Variants in TMEM135 observed in about 807,000 individuals in gnomAD.
TMEM135 encodes the protein transmembrane protein 135, also known as peroxisomal membrane protein 52.
TMEM135 carries 30 observed loss-of-function variants against 60.3 expected under a neutral mutation model. The observed-to-expected ratio is 0.50, with a 90% CI of 0.37 to 0.68. The LOEUF (loss-of-function observed/expected upper bound fraction) is 0.68, where lower values mean the gene tolerates loss of function less well. TMEM135 is among the 30% of genes least tolerant of loss of function. The pLI is 0.00. For synonymous variants in TMEM135, 190 were observed against 186.7 expected (o/e 1.02, Z -0.14); for missense variants, 468 against 548.8 (o/e 0.85, Z 1.47).
rs559096460 is a variant in TMEM135 at position 87,319,461 on chromosome 11, A to T, written c.1244+84A>T. On this transcript the variant is annotated intron_variant, in intron 14 of 14. Transcript: ENST00000305494. Reference sequence around the variant, plus strand: ...ATATTCTTTCAGTGGTAAAGTAGGTATTTATATATAAATAAAATATGAGTA... The same window carrying T: ...ATATTCTTTCAGTGGTAAAGTAGGTTTTTATATATAAATAAAATATGAGTA... The T allele has an allele frequency of 2.1e-5, 20 of 960,988 alleles. No homozygotes were observed. The African/African-American group carries it at 2.6e-4, about 12-fold the overall frequency. 59.5% of individuals were successfully genotyped at this position (960,988 alleles called of 1,614,324 possible). A position where few individuals can be genotyped will look rare whatever the true frequency, so the allele number is the denominator to read the frequency against.
rs1490601998 is a variant in TMEM135, at chr11:87,038,168, C to T, written c.123C>T (p.Ile41=). 1.2e-6 allele frequency: 2 copies of T among 1,614,028 alleles called. No individual in the cohort carries two copies. The highest frequency in any genetic ancestry group is 2.7e-5 in the African/African-American group (2 of 74,922). Residue 41 remains isoleucine (I), a synonymous_variant, in exon 1 of 15, where the codon ATC becomes ATT. Transcript: ENST00000305494. ...GCGCCCTGGAGGAGTCCCTGAAGAT[C>T]TATGCTCCTCTGTACTTGGTGAGAC... ...TGGALEESLK[I]YAPLYLIAAI... is the part of the protein sequence containing the mutation.
chr11:87,053,601 A>G (rs918767141), intron 1 of TMEM135, among the ~76,000 whole-genome samples: 6 of 152,176 alleles, frequency 3.9e-5, no homozygotes, highest in African/African-American at 1.4e-4. Context: ...TTCTTACATT[A>G]CAGTTACTTC....
intron 6 of TMEM135, among the ~76,000 whole-genome samples, chr11:87,278,818 T>G (rs1004787399): frequency 1.6e-4 from 4 of 25,740 alleles, no homozygotes; most frequent in African/African-American, 5.2e-4. Flanking sequence ...TCTTTAAAAT[T>G]TCTTTTGTGC....
At chr11:87,089,282 C>A (rs12290100) in intron 3 of TMEM135, among the ~76,000 whole-genome samples, 2 of 152,136 alleles carry the variant, frequency 1.3e-5, no homozygotes, top group African/African-American at 4.8e-5. Flanking sequence ...TGCCTGTAAT[C>A]CCAGAACTTT....
At chr11:87,137,174 A>G (rs1173105489) in intron 4 of TMEM135, among the ~76,000 whole-genome samples, 1 of 152,072 alleles carries the variant, frequency 6.6e-6, no homozygotes. Flanking sequence ...TTAGATGCAA[A>G]AACATTTAAG....
chr11:87,041,345 C>T (rs1054683486), intron 1 of TMEM135, among the ~76,000 whole-genome samples: 6 of 151,186 alleles, frequency 4.0e-5, no homozygotes, highest in Admixed American at 1.3e-4. Flanking sequence ...GTTCTGTGTG[C>T]ATGCTATTGA....
intron 4 of TMEM135, among the ~76,000 whole-genome samples, chr11:87,106,558 G>A (rs1467274335): frequency 6.6e-6 from 1 of 152,114 alleles, no homozygotes; most frequent in Admixed American, 6.6e-5. Flanking sequence ...TGGTATCAGG[G>A]TAATACTGGC....
intron 1 of TMEM135, among the ~76,000 whole-genome samples, chr11:87,060,869 C>T (rs1949939983): frequency 6.6e-6 from 1 of 152,104 alleles, no homozygotes; most frequent in Non-Finnish European, 1.5e-5. Context: ...GTCTCAATCT[C>T]CTGACCTCGT....
At chr11:87,122,788 GC>G (rs1368616188) in intron 4 of TMEM135, among the ~76,000 whole-genome samples, 1 of 152,054 alleles carries the variant, frequency 6.6e-6, no homozygotes, top group Non-Finnish European at 1.5e-5. Flanking sequence ...AATCTATCCG[GC>G]TATTACTTGG....
At chr11:87,305,132 G>C (rs1167872153) in intron 8 of TMEM135, among the ~76,000 whole-genome samples, 5 of 152,052 alleles carry the variant, frequency 3.3e-5, no homozygotes, top group African/African-American at 1.2e-4. Context: ...TTTTCCAGAT[G>C]TTTTCTCTCA....
chr11:87,229,730 T>C (rs569862954), intron 5 of TMEM135, among the ~76,000 whole-genome samples: 1 of 152,290 alleles, frequency 6.6e-6, no homozygotes, highest in African/African-American at 2.4e-5. Flanking sequence ...GCTTTGTGTA[T>C]GTAAAATTGA....
intron 6 of TMEM135, among the ~76,000 whole-genome samples, chr11:87,280,064 A>T (rs1366531422): frequency 2.0e-5 from 3 of 152,218 alleles, no homozygotes; most frequent in Admixed American, 1.3e-4. Flanking sequence ...TATTATTTTT[A>T]AACTAATTTG....
intron 6 of TMEM135, among the ~76,000 whole-genome samples, chr11:87,256,827 C>T (rs1163821823): frequency 6.6e-6 from 1 of 152,006 alleles, no homozygotes; most frequent in Non-Finnish European, 1.5e-5. Flanking sequence ...TCTGTTGGTC[C>T]TGCTTGCCCT....
At chr11:87,075,967 C>T (rs1333553240) in intron 3 of TMEM135, among the ~76,000 whole-genome samples, 4 of 152,170 alleles carry the variant, frequency 2.6e-5, no homozygotes, top group Admixed American at 6.5e-5. Flanking sequence ...GCTACCATCC[C>T]TGGGACTGCG....
chr11:87,235,847 T>C (rs1019868053), intron 5 of TMEM135, among the ~76,000 whole-genome samples: 6 of 151,970 alleles, frequency 3.9e-5, no homozygotes, highest in African/African-American at 1.4e-4. Flanking sequence ...CTGTGATGTT[T>C]TTGAGATCAT....
At chr11:87,123,546 G>T (rs1937639218) in intron 4 of TMEM135, among the ~76,000 whole-genome samples, 1 of 151,548 alleles carries the variant, frequency 6.6e-6, no homozygotes, top group South Asian at 2.1e-4. Context: ...TCCAAATAAG[G>T]TCACTTTCAC....
Position 87,150,333 on chromosome 11 carries a change from A to G in TMEM135, c.397-7008A>G, listed in dbSNP as rs1938526652. On this transcript the variant is annotated intron_variant, in intron 4 of 14. Coordinates refer to ENST00000305494, the MANE Select transcript of TMEM135 (RefSeq NM_022918.4). ...TGAATTCCACAATGCAGAGGCAACCACTTGCAGTCTTTGCCTTATTTCCTC... is the reference window on the plus strand; with the variant it reads ...TGAATTCCACAATGCAGAGGCAACCGCTTGCAGTCTTTGCCTTATTTCCTC... 2.6e-5 allele frequency among the ~76,000 whole-genome samples: 4 copies of G among 152,046 alleles called. No individual in the cohort carries two copies. The South Asian group carries it at 8.3e-4, about 32-fold the overall frequency.
intron 4 of TMEM135, among the ~76,000 whole-genome samples, chr11:87,140,852 T>C (rs1308095814): frequency 6.6e-6 from 1 of 152,204 alleles, no homozygotes; most frequent in Non-Finnish European, 1.5e-5. Flanking sequence ...GTTTGGAAAT[T>C]CCGTTGTTTC....
At chr11:87,107,738 C>G (rs1286443896) in intron 4 of TMEM135, among the ~76,000 whole-genome samples, 1 of 152,084 alleles carries the variant, frequency 6.6e-6, no homozygotes, top group Non-Finnish European at 1.5e-5. Flanking sequence ...GTGCATGTGT[C>G]TTTATAGTAG....
Sources: allele counts gnomAD v4.1 joint callset (sites outside exome capture counted in the v4.1 genomes callset), GRCh38; gene constraint gnomAD v4.1.1; transcripts MANE v1.5; gene names NCBI Gene and HGNC (gene_info 2026-07-23, HGNC 2026-07-21).